ZNF507: variants seen among roughly 807,000 people sequenced by gnomAD.
ZNF507 encodes the protein zinc finger protein 507.
A neutral mutation model predicts 80.0 loss-of-function variants in ZNF507; 29 were observed. That is an observed-to-expected ratio of 0.36 (90% CI 0.27 to 0.49). ZNF507 has a LOEUF of 0.49. Ranked by LOEUF, ZNF507 falls within the 20% of genes least tolerant of loss-of-function variation. The pLI, the probability that ZNF507 is intolerant of heterozygous loss-of-function variation, is 0.98. For missense variants in ZNF507, 1,081 were observed against 1,152.2 expected, an observed-to-expected ratio of 0.94 and a Z score of 0.90; for synonymous variants, 462 against 422.5, an observed-to-expected ratio of 1.09 and a Z score of -1.15.
intron 5 of ZNF507, among the ~76,000 whole-genome samples, chr19:32,363,583 C>G (rs1311498888): frequency 6.6e-6 from 1 of 152,140 alleles, no homozygotes; most frequent in African/African-American, 2.4e-5. Flanking sequence ...TTTCACCTCT[C>G]TGTGCTGCTT....
chr19:32,361,947 G>T (rs779685740), intron 5 of ZNF507, among the ~76,000 whole-genome samples: 1 of 119,116 alleles, frequency 8.4e-6, no homozygotes, highest in African/African-American at 3.2e-5. Flanking sequence ...ACAGAGTCTC[G>T]CTCTGTCATC....
At chr19:32,351,535 G>GGGGGGGGGA (rs901951859) in intron 2 of ZNF507, among the ~76,000 whole-genome samples, 1 of 75,610 alleles carries the variant, frequency 1.3e-5, no homozygotes, top group African/African-American at 5.5e-5. Context: ...CGTGGGGGCG[G>GGGGGGGGGA]GCGGGGCCTG....
At chr19:32,352,730 T>G in intron 2 of ZNF507, 99 bp from the exon 3 acceptor site, 6 of 1,051,466 alleles carry the variant, frequency 5.7e-6, no homozygotes, top group Non-Finnish European at 8.2e-6. Context: ...AATACTTAGA[T>G]GAGATTACAG....
intron 5 of ZNF507, among the ~76,000 whole-genome samples, chr19:32,366,500 C>T (rs1246564648): frequency 6.6e-6 from 1 of 151,992 alleles, no homozygotes; most frequent in African/African-American, 2.4e-5. Context: ...TTTTTTTGCT[C>T]AACGTGTGTG....
At position 32,354,129 on chromosome 19, in the gene ZNF507, T is replaced by C. The variant is rs1038607673; in HGVS notation, c.1299T>C (p.Ile433=). Residue 433 remains isoleucine (I), a synonymous_variant, in exon 3 of 7, where the codon ATT becomes ATC. Coordinates refer to ENST00000355898, the MANE Select transcript of ZNF507 (RefSeq NM_001136156.2). The part of the protein sequence containing the change: ...GKDLSLTEAQ[I]GREGMDDVYR... ...ACCTGAGCCTGACAGAAGCTCAGAT[T>C]GGGCGCGAAGGAATGGATGATGTTT... 3.7e-6 allele frequency: 6 copies of C among 1,613,430 alleles called. No individual in the cohort carries two copies. In the East Asian group the frequency reaches 1.1e-4, roughly 30 times the overall value.
At chr19:32,370,688 T>G (rs1261108515) in intron 5 of ZNF507, among the ~76,000 whole-genome samples, 1 of 152,242 alleles carries the variant, frequency 6.6e-6, no homozygotes, top group Non-Finnish European at 1.5e-5. Context: ...TAGGTTACTC[T>G]TTCATTTTGT....
At chr19:32,356,569 G>A (rs1275864168) in intron 3 of ZNF507, 47 bp from the exon 4 acceptor site, 1 of 1,361,420 alleles carries the variant, frequency 7.3e-7, no homozygotes, top group South Asian at 1.2e-5. Flanking sequence ...CCTAAGAGTT[G>A]GACATGTATA....
At chr19:32,379,906 A>G (rs1967602156) in intron 5 of ZNF507, among the ~76,000 whole-genome samples, 1 of 152,060 alleles carries the variant, frequency 6.6e-6, no homozygotes. Flanking sequence ...GTTCATGGCT[A>G]GGATGATTCT....
chr19:32,354,724 G>A lies in ZNF507; in HGVS notation c.1894G>A (p.Glu632Lys). The change falls in exon 3 of 7, where the codon GAA (glutamate) becomes AAA (lysine). Residue 632 changes from glutamate (E) to lysine (K), a missense_variant. Glu to Lys is a moderately conservative substitution (Grantham distance 56, BLOSUM62 1). Coordinates refer to ENST00000355898, the MANE Select transcript of ZNF507 (RefSeq NM_001136156.2). ...DTSLSGNNVVEYIPNAERPYR... is the reference protein window; with the variant it reads ...DTSLSGNNVVKYIPNAERPYR... ...AAGTTTGTCCGGAAACAATGTGGTGGAATACATCCCGAATGCTGAACGACC... is the reference window on the plus strand; with the variant it reads ...AAGTTTGTCCGGAAACAATGTGGTGAAATACATCCCGAATGCTGAACGACC... 2.5e-6 allele frequency: 4 copies of A among 1,614,170 alleles called. No individual in the cohort carries two copies. Among genetic ancestry groups the A allele is most frequent in the South Asian group, 1.1e-5 (1 of 91,086 alleles).
At chr19:32,376,435 A>G (rs1040952943) in intron 5 of ZNF507, among the ~76,000 whole-genome samples, 15 of 152,162 alleles carry the variant, frequency 9.9e-5, no homozygotes, top group African/African-American at 3.4e-4. Flanking sequence ...TGTGGTGGGG[A>G]ATATGCAAAG....
intron 5 of ZNF507, among the ~76,000 whole-genome samples, chr19:32,367,779 G>T (rs1314170941): frequency 1.3e-5 from 2 of 152,122 alleles, no homozygotes; most frequent in Non-Finnish European, 2.9e-5. Context: ...TTCAGCAGGG[G>T]GAATGACAGT....
intron 5 of ZNF507, among the ~76,000 whole-genome samples, chr19:32,367,695 G>C (rs556910277): frequency 6.6e-6 from 1 of 152,212 alleles, no homozygotes; most frequent in South Asian, 2.1e-4. Flanking sequence ...GCGTGCTTAG[G>C]TATTACTGAG....
chr19:32,368,666 G>C (rs1280749417), intron 5 of ZNF507, among the ~76,000 whole-genome samples: 1 of 151,996 alleles, frequency 6.6e-6, no homozygotes, highest in East Asian at 1.9e-4. Flanking sequence ...TTATCAGGAG[G>C]AAAAAATATA....
Position 32,356,612 on chromosome 19 carries a change from T to G in ZNF507, c.2128-4T>G. ...AAAATTACATATTTCTTTCCACTTT[T>G]TAGAGTCAATTGAGGAACCATGAGA... On this transcript the variant is annotated splice_region_variant and splice_polypyrimidine_tract_variant and intron_variant, in intron 3 of 6. Coordinates refer to ENST00000355898, the MANE Select transcript of ZNF507 (RefSeq NM_001136156.2). 8.1e-6 allele frequency: 13 copies of G among 1,607,060 alleles called. No homozygotes were observed. Among genetic ancestry groups the G allele is most frequent in the Non-Finnish European group, 1.1e-5 (13 of 1,174,090 alleles).
rs754775505 is a variant in ZNF507, at chr19:32,354,481, T to A, written c.1651T>A (p.Ser551Thr). 15 of 1,614,018 alleles carry A rather than the reference T, an allele frequency of 9.3e-6. No individual in the cohort carries two copies. In the African/African-American group the frequency reaches 1.2e-4, roughly 13 times the overall value. ...SKMMSPLKNS[S>T]DGLTSLNQSN... Reference sequence around the variant, plus strand: ...AATGATGTCGCCACTTAAAAACTCTTCAGATGGATTAACTAGTCTTAACCA... The same window carrying A: ...AATGATGTCGCCACTTAAAAACTCTACAGATGGATTAACTAGTCTTAACCA... Residue 551 changes from serine (S) to threonine (T), a missense_variant, in exon 3 of 7, where the codon TCA (serine) becomes ACA (threonine). Around this residue, in one of 6 missense-constraint regions of ZNF507, gnomAD observed 614 missense variants for 583.9 expected, o/e 1.05. Transcript: ENST00000355898.
chr19:32,360,447 G>A (rs1967306417), intron 4 of ZNF507, 57 bp from the exon 5 acceptor site: 5 of 815,894 alleles, frequency 6.1e-6, no homozygotes, highest in Non-Finnish European at 9.3e-6. Context: ...GAATGTAAAT[G>A]CTGTCATTTG....
chr19:32,350,630 C>T (rs1041553805), intron 2 of ZNF507, among the ~76,000 whole-genome samples: 32 of 151,864 alleles, frequency 2.1e-4, no homozygotes, highest in Admixed American at 2.0e-4. Flanking sequence ...AGAAAGATAA[C>T]ATGAGTCACC....
At chr19:32,376,516 G>A (rs936434803) in intron 5 of ZNF507, among the ~76,000 whole-genome samples, 68 of 152,304 alleles carry the variant, frequency 4.5e-4, no homozygotes, top group African/African-American at 1.5e-3. Context: ...TGTGGCAGCA[G>A]GACACGGGAC....
At position 32,353,403 on chromosome 19, in the gene ZNF507, A is replaced by G. The variant is rs1375699966; in HGVS notation, c.573A>G (p.Gln191=). The G allele has an allele frequency of 1.9e-6, 3 of 1,614,100 alleles. No individual in the cohort carries two copies. The highest frequency in any genetic ancestry group is 1.6e-4 in the Middle Eastern group (1 of 6,084). ...DANIHTQSKA[Q]QCVSPSSSLC... is the part of the protein sequence containing the mutation. ...ATATCCACACCCAATCCAAAGCCCA[A>G]CAGTGCGTAAGCCCCTCCAGCTCTT... Residue 191 remains glutamine (Q), a synonymous_variant, in exon 3 of 7, where the codon CAA becomes CAG. Coordinates refer to ENST00000355898, the MANE Select transcript of ZNF507 (RefSeq NM_001136156.2).
Sources: gnomAD v4.1 joint callset for allele counts (sites outside exome capture counted in the v4.1 genomes callset) on GRCh38, gnomAD v4.1.1 for gene constraint, gnomAD v4.1.1 regional missense constraint, MANE v1.5 for transcripts, NCBI Gene and HGNC (gene_info 2026-07-23, HGNC 2026-07-21) for gene names.